Variants in ERBIN observed in about 807,000 individuals in gnomAD.
ERBIN encodes erbb2 interacting protein.
In ERBIN, 60 loss-of-function variants were observed where a neutral mutation model predicts 158.4. The observed-to-expected ratio is 0.38, with a 90% CI of 0.31 to 0.47. ERBIN has a LOEUF of 0.47. Among genes scored for constraint, ERBIN ranks in the 20% least tolerant of loss-of-function variants. The pLI is 0.99. For synonymous variants in ERBIN, 594 were observed against 557.2 expected (o/e 1.07, Z -0.93); for missense variants, 1,610 against 1,648.0 (o/e 0.98, Z 0.40).
chr5:66,055,053 T>G, intron 21 of ERBIN, 102 bp downstream of exon 21: 21 of 1,432,324 alleles, frequency 1.5e-5, no homozygotes, highest in Non-Finnish European at 1.8e-5. Flanking sequence ...TCTCTTTATA[T>G]TCTAGGTGTT....
In ERBIN at chr5:65,948,525, A is replaced by G. The variant is rs530663580; in HGVS notation, c.-58+21719A>G. Among the ~76,000 whole-genome samples the G allele has an allele frequency of 2.0e-5, 3 of 152,184 alleles. No homozygotes were observed. The East Asian group carries it at 5.8e-4, about 29-fold the overall frequency. On this transcript the variant is annotated intron_variant, in intron 1 of 25. Coordinates refer to ENST00000284037, the MANE Select transcript of ERBIN (RefSeq NM_001253697.2). ...TAAAAAGAGAAGGGTAAAATATACAAAACGCTCAGGGAAGATAAATTATAT... is the reference window on the plus strand; with the variant it reads ...TAAAAAGAGAAGGGTAAAATATACAGAACGCTCAGGGAAGATAAATTATAT...
intron 1 of ERBIN, among the ~76,000 whole-genome samples, chr5:65,957,409 T>C (rs1490732720): frequency 1.3e-5 from 2 of 151,746 alleles, no homozygotes; most frequent in African/African-American, 2.4e-5. Context: ...GATTAGGGAG[T>C]GGTGATGACT....
chr5:65,984,661 C>T (rs1423475242), intron 1 of ERBIN: 1 of 152,292 alleles, frequency 6.6e-6, no homozygotes, highest in Non-Finnish European at 1.5e-5. Context: ...AGATAAAGTG[C>T]TGAGCAAGCA....
At chr5:66,045,534 ACT>A (rs1462261426) in intron 17 of ERBIN, among the ~76,000 whole-genome samples, 3 of 149,668 alleles carry the variant, frequency 2.0e-5, no homozygotes, top group Middle Eastern at 3.4e-3. Context: ...GTGTAAGTAC[ACT>A]CTGTGATGTT....
rs1401458279 is a variant in ERBIN at position 66,078,631 on chromosome 5, CAAAA to C, written c.*104_*107del. The C allele has an allele frequency of 2.7e-5, 20 of 735,694 alleles. No individual in the cohort carries two copies. Among genetic ancestry groups the C allele is most frequent in the Non-Finnish European group, 4.4e-5 (19 of 435,162 alleles). The allele number at this position is 735,694 out of a possible 1,614,324, so 45.6% of individuals were successfully genotyped here. On this transcript the variant is annotated 3_prime_UTR_variant, in exon 26 of 26. Coordinates refer to ENST00000284037, the MANE Select transcript of ERBIN (RefSeq NM_001253697.2). ...CTATTTTTATATATAAAGAAGAACT[CAAAA>C]AATTATGTTCAAATTTGTACATTAA...
chr5:65,969,173 G>T (rs920092941), intron 1 of ERBIN, among the ~76,000 whole-genome samples: 2 of 152,094 alleles, frequency 1.3e-5, no homozygotes, highest in African/African-American at 4.8e-5. Flanking sequence ...ATGCCAGCAA[G>T]CCATGGTCAC....
intron 1 of ERBIN, among the ~76,000 whole-genome samples, chr5:65,986,522 AT>A (rs1206120842): frequency 6.6e-6 from 1 of 152,266 alleles, no homozygotes; most frequent in Non-Finnish European, 1.5e-5. Context: ...ACCATTTGGC[AT>A]AGCGACAAAT....
intron 21 of ERBIN, among the ~76,000 whole-genome samples, chr5:66,068,082 GT>G (rs1235269171): frequency 6.6e-6 from 1 of 152,104 alleles, no homozygotes; most frequent in East Asian, 1.9e-4. Context: ...AATCCCAGCA[GT>G]TTAGGGGGCT....
At chr5:66,071,554 C>G (rs1009724680) in intron 21 of ERBIN, among the ~76,000 whole-genome samples, 4 of 152,026 alleles carry the variant, frequency 2.6e-5, no homozygotes, top group African/African-American at 7.3e-5. Context: ...GAACTCATAT[C>G]AATGTGGCAG....
At chr5:66,026,532 G>A in intron 13 of ERBIN, 115 bp downstream of exon 13, 1 of 466,566 alleles carries the variant, frequency 2.1e-6, no homozygotes, top group East Asian at 3.6e-5. Context: ...AATATACATA[G>A]TAAGTTCTCA....
intron 13 of ERBIN, among the ~76,000 whole-genome samples, chr5:66,027,012 T>C (rs1200210733): frequency 1.3e-5 from 2 of 152,032 alleles, no homozygotes; most frequent in African/African-American, 2.4e-5. Context: ...ATTGGAACAA[T>C]GTTTAAGTTA....
chr5:65,933,206 C>CT (rs1360544185), intron 1 of ERBIN, among the ~76,000 whole-genome samples: 1 of 152,144 alleles, frequency 6.6e-6, no homozygotes, highest in Non-Finnish European at 1.5e-5. Flanking sequence ...TTTGATCTTA[C>CT]TGTGCTTTTG....
intron 15 of ERBIN, among the ~76,000 whole-genome samples, chr5:66,042,557 T>G (rs1758015231): frequency 6.6e-6 from 1 of 152,090 alleles, no homozygotes; most frequent in South Asian, 2.1e-4. Context: ...AAATGCTCAT[T>G]AGAATTTTTT....
chr5:66,025,615 T>A, intron 11 of ERBIN, 63 bp downstream of exon 11: 1 of 1,214,020 alleles, frequency 8.2e-7, no homozygotes, highest in Non-Finnish European at 1.2e-6. Flanking sequence ...ATGCCATACA[T>A]ATTTTCAGGT....
In ERBIN at chr5:65,975,795, G is replaced by A. The variant is rs140097241; in HGVS notation, c.-57-12840G>A. Among the ~76,000 whole-genome samples the A allele has an allele frequency of 2.3e-3, 351 of 152,262 alleles. 2 individuals are homozygous for A. The highest frequency in any genetic ancestry group is 7.8e-3 in the African/African-American group (325 of 41,548). On this transcript the variant is annotated intron_variant, in intron 1 of 25. Transcript: ENST00000284037. ...GGTTGGTAGCTGTAGAGAGAGATGTGGTTTCAGGAGAGATTCTTTTTTAAG... is the reference window on the plus strand; with the variant it reads ...GGTTGGTAGCTGTAGAGAGAGATGTAGTTTCAGGAGAGATTCTTTTTTAAG...
At chr5:65,977,659 C>T (rs2151005329) in intron 1 of ERBIN, among the ~76,000 whole-genome samples, 1 of 151,738 alleles carries the variant, frequency 6.6e-6, no homozygotes, top group Non-Finnish European at 1.5e-5. Flanking sequence ...CAGAGACGCT[C>T]CTCACTTTCC....
intron 21 of ERBIN, among the ~76,000 whole-genome samples, chr5:66,061,024 G>A (rs1411887360): frequency 1.3e-5 from 2 of 152,210 alleles, no homozygotes; most frequent in Non-Finnish European, 2.9e-5. Flanking sequence ...ATATTCTGTT[G>A]ATTTGGGGTG....
chr5:66,032,255 A>G (rs1756965983), intron 14 of ERBIN, among the ~76,000 whole-genome samples: 1 of 152,192 alleles, frequency 6.6e-6, no homozygotes, highest in South Asian at 2.1e-4. Context: ...GATGGCAAAT[A>G]AGATTTTTTA....
At position 65,995,581 on chromosome 5, in the gene ERBIN, T is replaced by C. The variant is rs117150948; in HGVS notation, c.307+717T>C. 5.6e-4 allele frequency among the ~76,000 whole-genome samples: 86 copies of C among 152,312 alleles called. No individual in the cohort carries two copies. In the East Asian group the frequency reaches 0.016, roughly 28 times the overall value. Reference sequence around the variant, plus strand: ...TTGGCTATTGTGAATAGTGCTGTAATGAACATGGGAGTGTAAATATTTCTT... The same window carrying C: ...TTGGCTATTGTGAATAGTGCTGTAACGAACATGGGAGTGTAAATATTTCTT... On this transcript the variant is annotated intron_variant, in intron 4 of 25. Transcript: ENST00000284037.
Sources: allele counts gnomAD v4.1 joint callset (sites outside exome capture counted in the v4.1 genomes callset), GRCh38; gene constraint gnomAD v4.1.1; transcripts MANE v1.5; gene names NCBI Gene and HGNC (gene_info 2026-07-23, HGNC 2026-07-21).